The following KCNN3 variants were observed in gnomAD, a reference collection of about 807,000 sequenced individuals.
The protein encoded by KCNN3 is potassium calcium-activated channel subfamily N member 3.
A neutral mutation model predicts 62.9 loss-of-function variants in KCNN3; 16 were observed. That is an observed-to-expected ratio of 0.25 (90% CI 0.17 to 0.39). KCNN3 has a LOEUF of 0.39. Ranked by LOEUF, KCNN3 falls within the 10% of genes least tolerant of loss-of-function variation. The pLI, the probability that KCNN3 is intolerant of heterozygous loss-of-function variation, is 1.00. For missense variants in KCNN3, 599 were observed against 949.4 expected, an observed-to-expected ratio of 0.63 and a Z score of 4.85; for synonymous variants, 370 against 389.2, an observed-to-expected ratio of 0.95 and a Z score of 0.58.
Position 154,699,541 on chromosome 1 carries a change from T to C in KCNN3, c.*8435A>G, listed in dbSNP as rs1699808207. On this transcript the variant is annotated 3_prime_UTR_variant, in exon 8 of 8. Coordinates refer to ENST00000271915, the MANE Select transcript of KCNN3 (RefSeq NM_002249.6). ...AATGAACAGGTTAAAGCCATTAATT[T>C]AGAACATAACTGTTTCTGGGTACAT... 1 of 152,226 alleles carries C rather than the reference T, an allele frequency of 6.6e-6. No individual in the cohort carries two copies. The highest frequency in any genetic ancestry group is 1.5e-5 in the Non-Finnish European group (1 of 68,040). The allele number at this position is 152,226 out of a possible 1,614,324, so 9.4% of individuals were successfully genotyped here.
rs883320 is a variant in KCNN3, at chr1:154,786,324, T to C, written c.1030-13931A>G. ...AGTCTTTTGTAACATATGCACAAGA[T>C]AGAAAAAGAAATCAAAGAATATTTT... On this transcript the variant is annotated intron_variant, in intron 2 of 7. Coordinates refer to ENST00000271915, the MANE Select transcript of KCNN3 (RefSeq NM_002249.6). Among the ~76,000 whole-genome samples, 392 of 152,266 alleles carry C rather than the reference T, an allele frequency of 2.6e-3. 25 individuals are homozygous for C. The South Asian group carries it at 0.078, about 30-fold the overall frequency.
chr1:154,796,704 G>T (rs1277409326), intron 2 of KCNN3, among the ~76,000 whole-genome samples: 1 of 152,240 alleles, frequency 6.6e-6, no homozygotes, highest in South Asian at 2.1e-4. Context: ...GGCCCCTGCC[G>T]CTGTCAGCAT....
intron 2 of KCNN3, among the ~76,000 whole-genome samples, chr1:154,779,021 C>A (rs1283702303): frequency 2.0e-5 from 3 of 152,124 alleles, no homozygotes; most frequent in Admixed American, 6.5e-5. Flanking sequence ...CCATGAGGCT[C>A]ACTATAGACA....
intron 3 of KCNN3, among the ~76,000 whole-genome samples, chr1:154,765,393 G>A (rs1223797162): frequency 1.3e-5 from 2 of 152,046 alleles, no homozygotes; most frequent in African/African-American, 2.4e-5. Flanking sequence ...TATCTCTTCT[G>A]CATTCTGAGA....
chr1:154,842,112 G>C (rs748085700), intron 1 of KCNN3, among the ~76,000 whole-genome samples: 1 of 152,218 alleles, frequency 6.6e-6, no homozygotes, highest in Non-Finnish European at 1.5e-5. Context: ...ACTTCTTGCT[G>C]CCTGTGTGAC....
intron 2 of KCNN3, among the ~76,000 whole-genome samples, chr1:154,790,977 C>G (rs111728068): frequency 0.23 from 34,863 of 151,916 alleles, 4,921 homozygotes; most frequent in Middle Eastern, 0.32. Context: ...GCCTGTAATC[C>G]CAGCACTTTG....
intron 2 of KCNN3, among the ~76,000 whole-genome samples, chr1:154,803,683 G>A (rs1650048097): frequency 6.6e-6 from 1 of 152,210 alleles, no homozygotes; most frequent in Non-Finnish European, 1.5e-5. Flanking sequence ...ACATGCCAGG[G>A]TGTGATGTGG....
At chr1:154,797,014 G>T (rs775491954) in intron 2 of KCNN3, among the ~76,000 whole-genome samples, 2 of 152,214 alleles carry the variant, frequency 1.3e-5, no homozygotes, top group Non-Finnish European at 2.9e-5. Context: ...TCAGCAGCCT[G>T]CGACAACTAG....
intron 6 of KCNN3, among the ~76,000 whole-genome samples, chr1:154,714,483 TG>T (rs1700178998): frequency 3.7e-4 from 1 of 2,712 alleles, no homozygotes; most frequent in Admixed American, 4.3e-3. Flanking sequence ...GGTGTGTGTG[TG>T]GTTTGTGTGA....
intron 2 of KCNN3, among the ~76,000 whole-genome samples, chr1:154,806,748 G>A (rs555395502): frequency 6.6e-6 from 1 of 152,144 alleles, no homozygotes; most frequent in Non-Finnish European, 1.5e-5. Flanking sequence ...ACTAGAAAGG[G>A]GCCTAAAGGA....
At chr1:154,838,678 G>A (rs908986466) in intron 1 of KCNN3, among the ~76,000 whole-genome samples, 1 of 152,118 alleles carries the variant, frequency 6.6e-6, no homozygotes, top group African/African-American at 2.4e-5. Context: ...ACCCTCCAGA[G>A]CTGCCTCCGC....
At chr1:154,784,800 T>C (rs1341013535) in intron 2 of KCNN3, among the ~76,000 whole-genome samples, 1 of 152,262 alleles carries the variant, frequency 6.6e-6, no homozygotes, top group African/African-American at 2.4e-5. Flanking sequence ...ATTTAGTCCT[T>C]AACAGGATTT....
At chr1:154,810,432 G>A (rs1650356412) in intron 2 of KCNN3, among the ~76,000 whole-genome samples, 1 of 145,416 alleles carries the variant, frequency 6.9e-6, no homozygotes, top group East Asian at 1.9e-4. Context: ...GCTCAGTGAG[G>A]CTTCAAGGAA....
chr1:154,718,866 A>G lies in KCNN3; in HGVS notation c.1702-3863T>C, dbSNP rs116327119. 3.7e-3 allele frequency among the ~76,000 whole-genome samples: 558 copies of G among 152,326 alleles called. 7 individuals carry two copies. The highest frequency in any genetic ancestry group is 0.013 in the African/African-American group (544 of 41,552). ...GCACAGATCCTGGCCATATGCCTCA[A>G]TACATGGTACCTTTGTTAATATTCT... On this transcript the variant is annotated intron_variant, in intron 5 of 7. Transcript: ENST00000271915.
At chr1:154,766,709 T>C (rs1415253815) in intron 3 of KCNN3, among the ~76,000 whole-genome samples, 1 of 149,706 alleles carries the variant, frequency 6.7e-6, no homozygotes, top group East Asian at 2.0e-4. Flanking sequence ...AGATGGAGTC[T>C]GGCTCTGTCA....
chr1:154,700,389 C>T lies in KCNN3; in HGVS notation c.*7587G>A, dbSNP rs912118966. ...GAATTACTGTCAAGAGGTCTGCTTT[C>T]CCCAAATGATGAATTTGCATTTGTT... On this transcript the variant is annotated 3_prime_UTR_variant, in exon 8 of 8. Transcript: ENST00000271915. 3 of 152,300 alleles carry T rather than the reference C, an allele frequency of 2.0e-5. No individual in the cohort carries two copies. Among genetic ancestry groups the T allele is most frequent in the Middle Eastern group, 6.8e-3 (2 of 294 alleles). The allele number at this position is 152,300 out of a possible 1,614,324, so 9.4% of individuals were successfully genotyped here.
chr1:154,865,166 T>C (rs565865561), intron 1 of KCNN3, among the ~76,000 whole-genome samples: 3 of 152,130 alleles, frequency 2.0e-5, no homozygotes, highest in African/African-American at 7.2e-5. Context: ...TTTAATGCAA[T>C]GGAGTGGGTG....
At position 154,708,049 on chromosome 1, in the gene KCNN3, G is replaced by A. The variant is rs763748485; in HGVS notation, c.2123C>T (p.Pro708Leu). ...VSVAVGTTHT[P>L]ISDSPIGVSS... Reference sequence around the variant, plus strand: ...GACCCCAATGGGGCTATCGGAGATTGGGGTGTGGGTGGTGCCCACTGCCAC... The same window carrying A: ...GACCCCAATGGGGCTATCGGAGATTAGGGTGTGGGTGGTGCCCACTGCCAC... Residue 708 changes from proline (P) to leucine (L), a missense_variant, in exon 8 of 8, where the codon CCA (proline) becomes CTA (leucine). Coordinates refer to ENST00000271915, the MANE Select transcript of KCNN3 (RefSeq NM_002249.6). The A allele has an allele frequency of 1.9e-6, 3 of 1,613,340 alleles. No individual in the cohort carries two copies. The highest frequency in any genetic ancestry group is 3.3e-5 in the Admixed American group (2 of 59,998).
chr1:154,859,669 C>T, intron 1 of KCNN3: 1 of 1,610,220 alleles, frequency 6.2e-7, no homozygotes, highest in Non-Finnish European at 8.5e-7. Context: ...TCCCTACCTA[C>T]TGGGTAACCT....
Sources: gnomAD v4.1 joint callset for allele counts (sites outside exome capture counted in the v4.1 genomes callset) on GRCh38, gnomAD v4.1.1 for gene constraint, MANE v1.5 for transcripts, NCBI Gene and HGNC (gene_info 2026-07-23, HGNC 2026-07-21) for gene names.